Variants in TMT1B observed in about 807,000 individuals in gnomAD.
The protein encoded by TMT1B is thiol methyltransferase 1B, also known as thiol S-methyltransferase TMT1B.
the TMT1B span, chr12:55,683,952 A>G: frequency 6.2e-7 from 1 of 1,613,988 alleles, no homozygotes; most frequent in Non-Finnish European, 8.5e-7. Flanking sequence ...AAGGATCTTG[A>G]GAACGCCCAG....
the TMT1B span, among the ~76,000 whole-genome samples, chr12:55,682,949 C>A: frequency 0.31 from 46,393 of 151,724 alleles, 7,540 homozygotes; most frequent in Middle Eastern, 0.4. Context: ...GAATAGTTTC[C>A]AGGTTTCTAG....
At chr12:55,683,136 A>T in the TMT1B span, among the ~76,000 whole-genome samples, 7 of 152,202 alleles carry the variant, frequency 4.6e-5, no homozygotes, top group Non-Finnish European at 1.0e-4. Context: ...GTTCACAGCG[A>T]TGTCCAGGAA....
At chr12:55,681,963 G>A in the TMT1B span, 2 of 1,614,226 alleles carry the variant, frequency 1.2e-6, no homozygotes, top group Middle Eastern at 1.6e-4. Flanking sequence ...GGAGCCTCCG[G>A]GAAAGTGGCC....
chr12:55,683,034 G>A, the TMT1B span, among the ~76,000 whole-genome samples: 1 of 152,170 alleles, frequency 6.6e-6, no homozygotes, highest in East Asian at 1.9e-4. Flanking sequence ...GGACTTACTA[G>A]GTTTGAGATC....
At chr12:55,682,646 C>A in the TMT1B span, among the ~76,000 whole-genome samples, 1 of 150,310 alleles carries the variant, frequency 6.7e-6, no homozygotes, top group Non-Finnish European at 1.5e-5. Context: ...GCTAGCCAGG[C>A]GTGGTGGCAC....
chr12:55,683,840 G>A, the TMT1B span: 1 of 1,614,080 alleles, frequency 6.2e-7, no homozygotes, highest in Non-Finnish European at 8.5e-7. Flanking sequence ...CTGGGAGCAT[G>A]TGGCAGAACC....
chr12:55,681,802 C>T, the TMT1B span: 2 of 1,553,430 alleles, frequency 1.3e-6, no homozygotes, highest in African/African-American at 1.4e-5. Flanking sequence ...TGCTTCTTAC[C>T]CTGCCCCTGC....
At chr12:55,681,912 G>A in the TMT1B span, 1 of 1,613,712 alleles carries the variant, frequency 6.2e-7, no homozygotes. Context: ...AAGATGGAGA[G>A]CAAGAAACGG....
chr12:55,682,127 G>A, the TMT1B span: 12 of 1,614,026 alleles, frequency 7.4e-6, no homozygotes, highest in African/African-American at 1.3e-5. Flanking sequence ...GTTTGTGGTG[G>A]CTCCTGGAGA....
the TMT1B span, chr12:55,684,151 G>A: frequency 9.2e-7 from 1 of 1,084,406 alleles, no homozygotes; most frequent in Non-Finnish European, 1.4e-6. Flanking sequence ...GGACCTAGCA[G>A]AATGAGAGAA....
chr12:55,682,089 C>G, the TMT1B span: 1 of 1,614,220 alleles, frequency 6.2e-7, no homozygotes, highest in Admixed American at 1.7e-5. Context: ...AAGAGCATGG[C>G]TGAGAACAGG....
At chr12:55,683,817 G>GT in the TMT1B span, 1 of 1,613,968 alleles carries the variant, frequency 6.2e-7, no homozygotes, top group East Asian at 2.2e-5. Flanking sequence ...TCCCAGGGAG[G>GT]TGTGCTCTTT....
chr12:55,683,946 A>G, the TMT1B span: 247 of 1,614,116 alleles, frequency 1.5e-4, 1 homozygote, highest in Middle Eastern at 4.6e-3. Context: ...ACCTGGAAGG[A>G]TCTTGAGAAC....
At chr12:55,682,238 A>G in the TMT1B span, 1 of 1,612,656 alleles carries the variant, frequency 6.2e-7, no homozygotes, top group Non-Finnish European at 8.5e-7. Context: ...GGAGGTCCGG[A>G]GAGTACTGAG....
the TMT1B span, among the ~76,000 whole-genome samples, chr12:55,682,607 CAAAAAAAAA>C: frequency 9.6e-6 from 1 of 104,178 alleles, no homozygotes; most frequent in Non-Finnish European, 1.9e-5. Flanking sequence ...GCCGTCTCTA[CAAAAAAAAA>C]AAAAAAAAAA....
the TMT1B span, chr12:55,682,319 G>A: frequency 2.7e-5 from 41 of 1,526,200 alleles, no homozygotes; most frequent in Non-Finnish European, 3.4e-5. Context: ...CCAGGGTTCG[G>A]CCCCCAGAAT....
At chr12:55,682,282 G>C in the TMT1B span, 2 of 1,591,910 alleles carry the variant, frequency 1.3e-6, no homozygotes, top group Non-Finnish European at 1.7e-6. Flanking sequence ...GATGGGTGTG[G>C]GGCAGGCAAA....
chr12:55,684,033 G>A, the TMT1B span: 7 of 1,613,278 alleles, frequency 4.3e-6, no homozygotes, highest in Non-Finnish European at 5.9e-6. Flanking sequence ...CACATCATGG[G>A]AAAGGCTGTC....
the TMT1B span, chr12:55,684,147 A>G: frequency 1.8e-6 from 2 of 1,123,760 alleles, no homozygotes. Flanking sequence ...AGAGGGACCT[A>G]GCAGAATGAG....
Sources: gnomAD v4.1 joint callset for allele counts (sites outside exome capture counted in the v4.1 genomes callset) on GRCh38, gnomAD v4.1.1 for gene constraint, MANE v1.5 for transcripts, NCBI Gene and HGNC (gene_info 2026-07-23, HGNC 2026-07-21) for gene names.